Variants in GNPTAB observed in about 807,000 individuals in gnomAD.
GNPTAB encodes N-acetylglucosamine-1-phosphate transferase subunits alpha and beta.
In GNPTAB, 92 loss-of-function variants were observed where a neutral mutation model predicts 136.6. The ratio of observed to expected loss-of-function variants is 0.67; its 90% CI spans 0.57 to 0.80. The LOEUF is 0.80. GNPTAB is among the 30% of genes least tolerant of loss of function. GNPTAB has a pLI of 0.00. For missense variants in GNPTAB, 1,343 were observed against 1,501.8 expected (o/e 0.89, Z 1.75); for synonymous variants, 512 against 535.1 (o/e 0.96, Z 0.60).
At position 101,801,539 on chromosome 12, in the gene GNPTAB, C is replaced by CAAAAAAAA. The variant is rs36066248; in HGVS notation, c.118-4785_118-4778dup. ...TGGGTGACAGAAAGAGACCCTGTCTCAAAAAAAAAAAAAAAAAAAAAAAAA... is the reference window on the plus strand; with the variant it reads ...TGGGTGACAGAAAGAGACCCTGTCTCAAAAAAAAAAAAAAAAAAAAAAAAAAAAAAAAA... On this transcript the variant is annotated intron_variant, in intron 1 of 20. Coordinates refer to ENST00000299314, the MANE Select transcript of GNPTAB (RefSeq NM_024312.5). Among the ~76,000 whole-genome samples, 63 of 42,592 alleles carry CAAAAAAAA rather than the reference C, an allele frequency of 1.5e-3. 2 individuals carry two copies. Among genetic ancestry groups the CAAAAAAAA allele is most frequent in the African/African-American group, 3.2e-3 (46 of 14,260 alleles). 27.9% of individuals were successfully genotyped at this position (42,592 alleles called of 152,430 possible).
At chr12:101,769,898 T>C in intron 10 of GNPTAB, 123 bp downstream of exon 10, 1 of 1,003,024 alleles carries the variant, frequency 1.0e-6, no homozygotes, top group Non-Finnish European at 1.6e-6. Flanking sequence ...CCCAAAGTAC[T>C]GGGATTACAG....
rs397507448 is a variant in GNPTAB, at chr12:101,768,045, TC to T, written c.1399del (p.Asp467IlefsTer33). On this transcript the variant is annotated frameshift_variant, in exon 11 of 21. Coordinates refer to ENST00000299314, the MANE Select transcript of GNPTAB (RefSeq NM_024312.5). LOFTEE classifies it high-confidence loss of function. ...NNSACDWDGG[D>X]CSGNSGGSRY... is the part of the protein sequence containing the mutation. ...GTTTAACACATCCTTACCAGAGCAA[TC>T]CCCACCATCCCAATCGCAGGCTGAA... 4.5e-5 allele frequency: 72 copies of T among 1,614,016 alleles called. No homozygotes were observed. The highest frequency in any genetic ancestry group is 6.0e-5 in the Non-Finnish European group (71 of 1,180,002).
intron 2 of GNPTAB, among the ~76,000 whole-genome samples, chr12:101,795,358 G>A (rs138498417): frequency 4.4e-4 from 67 of 152,266 alleles, no homozygotes; most frequent in African/African-American, 1.5e-3. Context: ...TAAAAAATTA[G>A]TATGGACCCC....
At chr12:101,748,605 A>AGGAGAGGAGGAAGGAGG (rs1952770424) in intron 20 of GNPTAB, among the ~76,000 whole-genome samples, 1 of 152,168 alleles carries the variant, frequency 6.6e-6, no homozygotes, top group Non-Finnish European at 1.5e-5. Context: ...GGGGCTGACA[A>AGGAGAGGAGGAAGGAGG]GGAGAGGAGG....
At chr12:101,782,330 C>T (rs1868390466) in intron 5 of GNPTAB, among the ~76,000 whole-genome samples, 1 of 152,070 alleles carries the variant, frequency 6.6e-6, no homozygotes, top group Admixed American at 6.6e-5. Context: ...ATAAGTTTTA[C>T]TCAACAGTGA....
At chr12:101,786,256 G>T in intron 4 of GNPTAB, 39 bp from the exon 5 acceptor site, 1 of 1,515,254 alleles carries the variant, frequency 6.6e-7, no homozygotes, top group Non-Finnish European at 9.1e-7. Context: ...TTACATTCTT[G>T]AAATTTAATC....
rs762521295 is a variant in GNPTAB at position 101,757,706 on chromosome 12, G to A, written c.3250-49C>T. On this transcript the variant is annotated intron_variant, in intron 16 of 20. Coordinates refer to ENST00000299314, the MANE Select transcript of GNPTAB (RefSeq NM_024312.5). Reference sequence around the variant, plus strand: ...AGATATCACATCAGAGCTGAAACTAGGGCAATTTAGTCCTAATCTTAGTTC... The same window carrying A: ...AGATATCACATCAGAGCTGAAACTAAGGCAATTTAGTCCTAATCTTAGTTC... 1.3e-5 allele frequency: 12 copies of A among 890,990 alleles called. No homozygotes were observed. In the Admixed American group the frequency reaches 1.9e-4, roughly 14 times the overall value. 55.2% of individuals were successfully genotyped at this position (890,990 alleles called of 1,614,324 possible). A position where few individuals can be genotyped will look rare whatever the true frequency, so the allele number is the denominator to read the frequency against.
chr12:101,787,731 T>G (rs1008695693), intron 4 of GNPTAB, among the ~76,000 whole-genome samples: 34 of 151,936 alleles, frequency 2.2e-4, no homozygotes, highest in Non-Finnish European at 4.4e-4. Context: ...CTGATCAACA[T>G]GGAGAAACCC....
At chr12:101,825,915 C>G (rs1871064541) in intron 1 of GNPTAB, among the ~76,000 whole-genome samples, 1 of 152,198 alleles carries the variant, frequency 6.6e-6, no homozygotes, top group African/African-American at 2.4e-5. Flanking sequence ...CACTGAGGAT[C>G]ACAATTTGTG....
rs188635634 is a variant in GNPTAB, at chr12:101,753,260, A to T, written c.3602+112T>A. 9.0e-4 allele frequency: 918 copies of T among 1,016,548 alleles called. 6 individuals are homozygous for T. The African/African-American group carries it at 0.012, about 13-fold the overall frequency. 63.0% of individuals were successfully genotyped at this position (1,016,548 alleles called of 1,614,324 possible). On this transcript the variant is annotated intron_variant, in intron 19 of 20. Transcript: ENST00000299314. ...AAGAACAAAACTCCGTCTCAAAAAA[A>T]AAAAATAAAAAGAGAAATTTCATAA...
At position 101,747,037 on chromosome 12, in the gene GNPTAB, A is replaced by G; in HGVS notation, c.*127T>C. On this transcript the variant is annotated 3_prime_UTR_variant, in exon 21 of 21. Coordinates refer to ENST00000299314, the MANE Select transcript of GNPTAB (RefSeq NM_024312.5). ...GGCTATATTCATGCCACAAAACAGC[A>G]TGGTACTGGATATTTTCCTTCTTCG... The G allele has an allele frequency of 1.4e-6, 1 of 705,992 alleles. No individual in the cohort carries two copies. Among genetic ancestry groups the G allele is most frequent in the Non-Finnish European group, 2.6e-6 (1 of 381,982 alleles). The allele number at this position is 705,992 out of a possible 1,614,324, so 43.7% of individuals were successfully genotyped here. A position where few individuals can be genotyped will look rare whatever the true frequency, so the allele number is the denominator to read the frequency against.
chr12:101,772,557 C>T (rs979625386), intron 7 of GNPTAB, among the ~76,000 whole-genome samples: 1 of 152,326 alleles, frequency 6.6e-6, no homozygotes. Flanking sequence ...TGACTCACCA[C>T]TTTCACCTCT....
Position 101,784,755 on chromosome 12 carries a change from G to A in GNPTAB, c.571+1257C>T, listed in dbSNP as rs1277473350. 2.0e-5 allele frequency among the ~76,000 whole-genome samples: 3 copies of A among 152,240 alleles called. No individual in the cohort carries two copies. In the East Asian group the frequency reaches 5.8e-4, roughly 29 times the overall value. Reference sequence around the variant, plus strand: ...TGTAAAAAGTAAGGAGTCAAAGATGGTTCCAAAGATTTAAGCTGGGAGGTA... The same window carrying A: ...TGTAAAAAGTAAGGAGTCAAAGATGATTCCAAAGATTTAAGCTGGGAGGTA... On this transcript the variant is annotated intron_variant, in intron 5 of 20. Coordinates refer to ENST00000299314, the MANE Select transcript of GNPTAB (RefSeq NM_024312.5).
At position 101,830,686 on chromosome 12, in the gene GNPTAB, C is replaced by CCGCCA. The variant is rs745871394; in HGVS notation, c.-16_-12dup. 44 of 1,504,198 alleles carry CCGCCA rather than the reference C, an allele frequency of 2.9e-5. No individual in the cohort carries two copies. The highest frequency in any genetic ancestry group is 1.4e-4 in the East Asian group (6 of 43,640). The allele number at this position is 1,504,198 out of a possible 1,614,324, so 93.2% of individuals were successfully genotyped here. On this transcript the variant is annotated 5_prime_UTR_variant, in exon 1 of 21. Coordinates refer to ENST00000299314, the MANE Select transcript of GNPTAB (RefSeq NM_024312.5). ...GAGCTTGAACAGCATCACCCCTTCA[C>CCGCCA]CGCCACGCCACGCCCCGAGGAGCCT...
At position 101,830,583 on chromosome 12, in the gene GNPTAB, G is replaced by A. The variant is rs373020895; in HGVS notation, c.93C>T (p.Ile31=). The change falls in exon 1 of 21, where the codon ATC becomes ATT. Residue 31 remains isoleucine, a synonymous_variant. Coordinates refer to ENST00000299314, the MANE Select transcript of GNPTAB (RefSeq NM_024312.5). ...YVCFLGVVVT[I]VSAFQFGEVV... is the part of the protein sequence containing the mutation. ...CCTCTCCGAACTGGAAGGCGGAGAC[G>A]ATGGTGACAACGACGCCCAAGAAGC... 6.8e-6 allele frequency: 11 copies of A among 1,612,074 alleles called. No homozygotes were observed. The highest frequency in any genetic ancestry group is 8.5e-6 in the Non-Finnish European group (10 of 1,178,620).
At chr12:101,766,342 G>A in intron 11 of GNPTAB, 48 bp from the exon 12 acceptor site, 1 of 1,533,792 alleles carries the variant, frequency 6.5e-7, no homozygotes. Flanking sequence ...TTACAATTTT[G>A]AAAGACAGTT....
intron 12 of GNPTAB, chr12:101,765,689 A>G (rs1953080305): frequency 5.8e-6 from 2 of 345,154 alleles, no homozygotes; most frequent in South Asian, 5.4e-5. Flanking sequence ...ACAATAATCA[A>G]TTTCCATCTT....
Position 101,761,771 on chromosome 12 carries a change from G to T in GNPTAB, c.2716-8C>A. The T allele has an allele frequency of 6.3e-7, 1 of 1,596,012 alleles. No homozygotes were observed. On this transcript the variant is annotated splice_region_variant and splice_polypyrimidine_tract_variant and intron_variant, in intron 13 of 20. Coordinates refer to ENST00000299314, the MANE Select transcript of GNPTAB (RefSeq NM_024312.5). Reference sequence around the variant, plus strand: ...CTTCAATGACTCTTCTTCCTGAAAAGAGAATTCTACATGTAACTCAGCATT... The same window carrying T: ...CTTCAATGACTCTTCTTCCTGAAAATAGAATTCTACATGTAACTCAGCATT...
chr12:101,792,244 C>G (rs763153994), intron 2 of GNPTAB, among the ~76,000 whole-genome samples: 86 of 152,166 alleles, frequency 5.7e-4, no homozygotes, highest in Non-Finnish European at 1.3e-4. Context: ...GGCAAATGCC[C>G]TGAGGCAGGC....
Sources: allele counts gnomAD v4.1 joint callset (sites outside exome capture counted in the v4.1 genomes callset), GRCh38; gene constraint gnomAD v4.1.1; transcripts MANE v1.5; gene names NCBI Gene and HGNC (gene_info 2026-07-23, HGNC 2026-07-21).